Variants in PCED1A observed in about 807,000 individuals in gnomAD.
The protein encoded by PCED1A is PC-esterase domain containing 1A, also known as PC-esterase domain-containing protein 1A.
A neutral mutation model predicts 41.9 loss-of-function variants in PCED1A; 20 were observed. The observed-to-expected ratio is 0.48, with a 90% confidence interval of 0.34 to 0.69. The LOEUF is 0.69. PCED1A is among the 30% of genes least tolerant of loss of function. PCED1A has a pLI of 0.01. For synonymous variants in PCED1A, 236 were observed against 241.3 expected (o/e 0.98, Z 0.20); for missense variants, 498 against 602.1 (o/e 0.83, Z 1.81).
chr20:2,839,702 G>T, intron 2 of PCED1A, 87 bp downstream of exon 2: 1 of 1,547,986 alleles, frequency 6.5e-7, no homozygotes, highest in Non-Finnish European at 8.8e-7. Flanking sequence ...ACAGACAAGA[G>T]ATGTGAGATG....
At chr20:2,837,346 C>T (rs1374028245) in intron 6 of PCED1A, among the ~76,000 whole-genome samples, 1 of 152,176 alleles carries the variant, frequency 6.6e-6, no homozygotes, top group African/African-American at 2.4e-5. Flanking sequence ...CATAATCGGC[C>T]TTCTAACATG....
At position 2,839,870 on chromosome 20, in the gene PCED1A, G is replaced by A; in HGVS notation, c.43C>T (p.Arg15Ter). 5.0e-6 allele frequency: 8 copies of A among 1,614,042 alleles called. No homozygotes were observed. The highest frequency in any genetic ancestry group is 6.8e-6 in the Non-Finnish European group (8 of 1,180,016). The change falls in exon 2 of 8, where the codon CGA becomes TGA. Residue 15 changes from arginine (R) to a stop codon, truncating the protein, a stop_gained. Coordinates refer to ENST00000360652, the MANE Select transcript of PCED1A (RefSeq NM_022760.6). LOFTEE classifies it high-confidence loss of function. ...LSSEEPRRPL[R>*]SDMVHFQASE... ...GCCTGGAAGTGGACCATGTCGCTTCGCAGCGGGCGGCGCGGCTCCTCGCTC... is the reference window on the plus strand; with the variant it reads ...GCCTGGAAGTGGACCATGTCGCTTCACAGCGGGCGGCGCGGCTCCTCGCTC...
In PCED1A at chr20:2,839,085, A is replaced by AGGC; in HGVS notation, c.205-4_205-3insGCC. The AGGC allele has an allele frequency of 2.0e-6, 1 of 491,610 alleles. No individual in the cohort carries two copies. The highest frequency in any genetic ancestry group is 3.5e-6 in the Non-Finnish European group (1 of 287,778). The allele number at this position is 491,610 out of a possible 1,614,324, so 30.5% of individuals were successfully genotyped here. A position where few individuals can be genotyped will look rare whatever the true frequency, so the allele number is the denominator to read the frequency against. On this transcript the variant is annotated splice_region_variant and splice_polypyrimidine_tract_variant and intron_variant, in intron 3 of 7. Transcript: ENST00000360652. ...TCCTGTTCAAAGCTCAGCTCCCCCTACCCACCCCCCCCACCCTACTGGTCA... is the reference window on the plus strand; with the variant it reads ...TCCTGTTCAAAGCTCAGCTCCCCCTAGGCCCCACCCCCCCCACCCTACTGGTCA...
chr20:2,839,084 T>TGGGGGGCCCC lies in PCED1A; in HGVS notation c.205-3_205-2insGGGGCCCCCC. The TGGGGGGCCCC allele has an allele frequency of 1.4e-6, 1 of 725,254 alleles. No homozygotes were observed. Among genetic ancestry groups the TGGGGGGCCCC allele is most frequent in the Non-Finnish European group, 1.9e-6 (1 of 522,224 alleles). 44.9% of individuals were successfully genotyped at this position (725,254 alleles called of 1,614,324 possible). On this transcript the variant is annotated splice_region_variant and splice_polypyrimidine_tract_variant and intron_variant, in intron 3 of 7. Transcript: ENST00000360652. ...GTCCTGTTCAAAGCTCAGCTCCCCC[T>TGGGGGGCCCC]ACCCACCCCCCCCACCCTACTGGTC...
At position 2,835,575 on chromosome 20, in the gene PCED1A, C is replaced by T. The variant is rs1157290070; in HGVS notation, c.1252G>A (p.Val418Met). The T allele has an allele frequency of 6.2e-7, 1 of 1,614,214 alleles. No homozygotes were observed. Among genetic ancestry groups the T allele is most frequent in the Admixed American group, 1.7e-5 (1 of 60,028 alleles). Reference sequence around the variant, plus strand: ...CTGCAGGGCCCCCCCATTCTCCGCACATGGTAGGGGCTGTTAGGAACATAG... The same window carrying T: ...CTGCAGGGCCCCCCCATTCTCCGCATATGGTAGGGGCTGTTAGGAACATAG... ...PRYVPNSPYHVRRMGGPCRQR... is the reference protein window; with the variant it reads ...PRYVPNSPYHMRRMGGPCRQR... The change falls in exon 8 of 8, where the codon GTG (valine) becomes ATG (methionine). Residue 418 changes from valine (V) to methionine (M), a missense_variant. This residue lies in a region of PCED1A where 245 missense variants were observed against 232.4 expected (regional missense o/e 1.05). Transcript: ENST00000360652.
intron 6 of PCED1A, among the ~76,000 whole-genome samples, chr20:2,836,962 G>C (rs542785703): frequency 8.5e-5 from 13 of 152,244 alleles, no homozygotes; most frequent in African/African-American, 3.1e-4. Context: ...TGTGCCCTCA[G>C]TTTTAATCTC....
intron 6 of PCED1A, among the ~76,000 whole-genome samples, chr20:2,837,446 T>C (rs1004298619): frequency 6.6e-6 from 1 of 152,092 alleles, no homozygotes; most frequent in Non-Finnish European, 1.5e-5. Flanking sequence ...GGGTGAGTCG[T>C]CAACAAGTGC....
At chr20:2,841,144 G>A (rs2088967028), upstream of PCED1A, 3 of 438,128 alleles carry the variant, frequency 6.8e-6, no homozygotes, top group South Asian at 7.7e-5. Context: ...CTGCCGGAAA[G>A]TGCTGCTGAA....
At chr20:2,837,338 T>C (rs2088851588) in intron 6 of PCED1A, among the ~76,000 whole-genome samples, 2 of 152,320 alleles carry the variant, frequency 1.3e-5, no homozygotes, top group East Asian at 1.9e-4. Flanking sequence ...TGTGCTGCCA[T>C]AATCGGCCTT....
In PCED1A at chr20:2,840,306, C is replaced by T. The variant is rs1296127881; in HGVS notation, c.-117G>A. 1.2e-5 allele frequency: 3 copies of T among 246,978 alleles called. No homozygotes were observed. Among genetic ancestry groups the T allele is most frequent in the African/African-American group, 2.3e-5 (1 of 43,564 alleles). 15.3% of individuals were successfully genotyped at this position (246,978 alleles called of 1,614,324 possible). A position where few individuals can be genotyped will look rare whatever the true frequency, so the allele number is the denominator to read the frequency against. ...CGGGCTCCTAGCCAAGCCTCATGTT[C>T]CCGCGCCCCAGTCGGCCAGTCGGTT... is the stretch of plus-strand genomic sequence containing the variant. On this transcript the variant is annotated 5_prime_UTR_variant, in exon 1 of 8. Transcript: ENST00000360652.
At chr20:2,840,853 C>CCCCCCGG, upstream of PCED1A, 1 of 1,542,176 alleles carries the variant, frequency 6.5e-7, no homozygotes, top group Non-Finnish European at 8.7e-7. Context: ...CTCCCGCCCA[C>CCCCCCGG]GGCCTGGCTT....
chr20:2,841,133 C>T, upstream of PCED1A: 1 of 456,526 alleles, frequency 2.2e-6, no homozygotes, highest in Non-Finnish European at 3.9e-6. Context: ...TGCCCAGTCT[C>T]CTGCCGGAAA....
At position 2,839,085 on chromosome 20, in the gene PCED1A, A is replaced by ATGCCC; in HGVS notation, c.205-4_205-3insGGGCA. On this transcript the variant is annotated splice_region_variant and splice_polypyrimidine_tract_variant and intron_variant, in intron 3 of 7. Coordinates refer to ENST00000360652, the MANE Select transcript of PCED1A (RefSeq NM_022760.6). ...TCCTGTTCAAAGCTCAGCTCCCCCT[A>ATGCCC]CCCACCCCCCCCACCCTACTGGTCA... The ATGCCC allele has an allele frequency of 2.0e-6, 1 of 491,618 alleles. No individual in the cohort carries two copies. The highest frequency in any genetic ancestry group is 3.5e-6 in the Non-Finnish European group (1 of 287,786). The allele number at this position is 491,618 out of a possible 1,614,324, so 30.5% of individuals were successfully genotyped here. A position where few individuals can be genotyped will look rare whatever the true frequency, so the allele number is the denominator to read the frequency against.
rs760633339 is a variant in PCED1A, at chr20:2,839,771, C to A, written c.124+18G>T. ...CAAGGTGTGGGACTGGAAGCGTCAC[C>A]CTAGAAGAGGCACTCACTGGAGTCC... On this transcript the variant is annotated intron_variant, in intron 2 of 7. Coordinates refer to ENST00000360652, the MANE Select transcript of PCED1A (RefSeq NM_022760.6). 29 of 1,613,370 alleles carry A rather than the reference C, an allele frequency of 1.8e-5. 1 individual carries two copies. The East Asian group carries it at 6.0e-4, about 33-fold the overall frequency.
At chr20:2,840,110 G>T in intron 1 of PCED1A, 101 bp downstream of exon 1, 1 of 578,150 alleles carries the variant, frequency 1.7e-6, no homozygotes, top group Non-Finnish European at 2.8e-6. Context: ...CAGCCAGCAG[G>T]CCTCCAGGGC....
In PCED1A at chr20:2,838,238, G is replaced by C. The variant is rs767301391; in HGVS notation, c.835C>G (p.Pro279Ala). Residue 279 changes from proline (P) to alanine (A), a missense_variant, in exon 6 of 8, where the codon CCC (proline) becomes GCC (alanine). This residue lies in a region of PCED1A where 245 missense variants were observed against 232.4 expected (regional missense o/e 1.05). Transcript: ENST00000360652. This position sits in a 1 kb window ranked among gnomAD's most constrained non-coding sequence, Gnocchi z 5.8. ...CACTTATGGTAGGGCTCACCAGGGG[G>C]ATAGCCACGCTTGGGCAGCTCCACG... ...WGVELPKRGY[P>A]PDPWIEDWAE... 2 of 1,614,142 alleles carry C rather than the reference G, an allele frequency of 1.2e-6. No individual in the cohort carries two copies. Among genetic ancestry groups the C allele is most frequent in the Non-Finnish European group, 1.7e-6 (2 of 1,180,026 alleles).
rs17851124 is a variant in PCED1A at position 2,838,315 on chromosome 20, G to A, written c.758C>T (p.Ala253Val). 6.2e-7 allele frequency: 1 copy of A among 1,614,146 alleles called. No individual in the cohort carries two copies. The highest frequency in any genetic ancestry group is 1.3e-5 in the African/African-American group (1 of 74,946). Residue 253 changes from alanine (A) to valine (V), a missense_variant, in exon 6 of 8, where the codon GCA becomes GTA. By Grantham distance (64) the Ala-to-Val change is moderately conservative. This residue lies in a region of PCED1A where 253 missense variants were observed against 369.7 expected (regional missense o/e 0.68). Transcript: ENST00000360652. This position sits in a 1 kb window ranked among gnomAD's most constrained non-coding sequence, Gnocchi z 5.8. ...HRDGVHWDQH[A>V]HRHLSHLLLT... The stretch of plus-strand genomic sequence containing the variant: ...AAGCAGGTGTGAGAGGTGGCGGTGT[G>A]CATGCTGGTCCCAGTGGACACCATC...
In PCED1A at chr20:2,840,229, G is replaced by C. The variant is rs750961843; in HGVS notation, c.-40C>G. 10 of 278,382 alleles carry C rather than the reference G, an allele frequency of 3.6e-5. No homozygotes were observed. The highest frequency in any genetic ancestry group is 5.3e-5 in the Non-Finnish European group (8 of 149,966). 17.2% of individuals were successfully genotyped at this position (278,382 alleles called of 1,614,324 possible). A position where few individuals can be genotyped will look rare whatever the true frequency, so the allele number is the denominator to read the frequency against. On this transcript the variant is annotated 5_prime_UTR_variant, in exon 1 of 8. Transcript: ENST00000360652. Reference sequence around the variant, plus strand: ...CAATTACCAAGTCCCGGGGCTCCGCGGTGTTCACCCGCGACCCGGGTATGC... The same window carrying C: ...CAATTACCAAGTCCCGGGGCTCCGCCGTGTTCACCCGCGACCCGGGTATGC...
In PCED1A at chr20:2,840,279, A is replaced by G. The variant is rs1321317146; in HGVS notation, c.-90T>C. The stretch of plus-strand genomic sequence containing the variant: ...CCTGCGCACCGCGCGCCTGGCCCGC[A>G]GCGGGCTCCTAGCCAAGCCTCATGT... On this transcript the variant is annotated 5_prime_UTR_variant, in exon 1 of 8. Coordinates refer to ENST00000360652, the MANE Select transcript of PCED1A (RefSeq NM_022760.6). 2 of 244,226 alleles carry G rather than the reference A, an allele frequency of 8.2e-6. No individual in the cohort carries two copies. Among genetic ancestry groups the G allele is most frequent in the African/African-American group, 2.3e-5 (1 of 43,712 alleles). 15.1% of individuals were successfully genotyped at this position (244,226 alleles called of 1,614,324 possible).
Sources: gnomAD v4.1 joint callset for allele counts (sites outside exome capture counted in the v4.1 genomes callset) on GRCh38, gnomAD v4.1.1 for gene constraint, gnomAD v4.1.1 regional missense constraint, Gnocchi (gnomAD v3.1) non-coding constraint, MANE v1.5 for transcripts, NCBI Gene and HGNC (gene_info 2026-07-23, HGNC 2026-07-21) for gene names.